CEP104: variants seen among roughly 807,000 people sequenced by gnomAD.
The protein encoded by CEP104 is centrosomal protein 104, also known as centrosomal protein of 104 kDa.
CEP104 carries 84 observed loss-of-function variants against 113.3 expected under a neutral mutation model. That is an observed-to-expected ratio of 0.74 (90% CI 0.62 to 0.89). CEP104 has a LOEUF of 0.89. CEP104 is among the 40% of genes least tolerant of loss of function. The pLI is 0.00. For synonymous variants in CEP104, 378 were observed against 421.7 expected (o/e 0.90, Z 1.27); for missense variants, 1,053 against 1,156.6 (o/e 0.91, Z 1.30).
chr1:3,847,478 A>G lies in CEP104; in HGVS notation c.423T>C (p.Asn141=), dbSNP rs758212436. 1.3e-6 allele frequency: 2 copies of G among 1,598,734 alleles called. No homozygotes were observed. The highest frequency in any genetic ancestry group is 2.7e-5 in the African/African-American group (2 of 74,350). Residue 141 remains asparagine (N), a synonymous_variant, in exon 4 of 22, where the codon AAT becomes AAC. Coordinates refer to ENST00000378230, the MANE Select transcript of CEP104 (RefSeq NM_014704.4). ...QNHVNKYNIY[N]QVALVAINII... Reference sequence around the variant, plus strand: ...GGCGAAGCTGCATGCATCTTACCTGATTATATATGTTGTATTTGTTGACAT... The same window carrying G: ...GGCGAAGCTGCATGCATCTTACCTGGTTATATATGTTGTATTTGTTGACAT...
intron 15 of CEP104, among the ~76,000 whole-genome samples, chr1:3,827,793 C>T (rs1458374873): frequency 1.3e-5 from 2 of 152,254 alleles, no homozygotes; most frequent in African/African-American, 2.4e-5. Context: ...ACCCATGGCC[C>T]CCAGCACCCC....
intron 6 of CEP104, among the ~76,000 whole-genome samples, chr1:3,840,427 G>A (rs4648421): frequency 0.13 from 19,540 of 152,046 alleles, 1,336 homozygotes; most frequent in African/African-American, 0.14. Flanking sequence ...TAGTATAGAC[G>A]GGTTTTCATC....
intron 18 of CEP104, among the ~76,000 whole-genome samples, chr1:3,824,596 A>G (rs1340072515): frequency 6.6e-6 from 1 of 152,220 alleles, no homozygotes; most frequent in Admixed American, 6.5e-5. Context: ...CGACTGACCA[A>G]CCACTCACAT....
intron 6 of CEP104, chr1:3,843,119 A>T: frequency 1.6e-6 from 1 of 629,588 alleles, no homozygotes; most frequent in Non-Finnish European, 2.9e-6. Context: ...TTTTTTTCTC[A>T]CTGCGGCAAC....
rs1433662809 is a variant in CEP104 at position 3,848,642 on chromosome 1, C to T, written c.253G>A (p.Ala85Thr). ...CGAAACCGCTCTGCTTGATAGGGTG[C>T]AAAATATTCAGGCAAGCTTTCACTA... ...YISESLPEYF[A>T]PYQAERFRRL... is the part of the protein sequence containing the mutation. The change falls in exon 3 of 22, where the codon GCA (alanine) becomes ACA (threonine). Residue 85 changes from alanine to threonine, a missense_variant. By Grantham distance (58) the Ala-to-Thr change is moderately conservative (BLOSUM62 0). Coordinates refer to ENST00000378230, the MANE Select transcript of CEP104 (RefSeq NM_014704.4). 1.2e-6 allele frequency: 2 copies of T among 1,613,194 alleles called. No homozygotes were observed. The highest frequency in any genetic ancestry group is 2.2e-5 in the East Asian group (1 of 44,866).
At chr1:3,821,960 G>T (rs750676717) in intron 20 of CEP104, among the ~76,000 whole-genome samples, 2 of 152,224 alleles carry the variant, frequency 1.3e-5, no homozygotes, top group East Asian at 3.8e-4. Flanking sequence ...TGTGACTGAC[G>T]TCTGGAAGGC....
rs201531250 is a variant in CEP104, at chr1:3,848,624, G to A, written c.271C>T (p.Arg91Trp). Reference protein sequence around the residue: ...PEYFAPYQAERFRRLGYVSLC... With the variant: ...PEYFAPYQAEWFRRLGYVSLC... Reference sequence around the variant, plus strand: ...CATTCTTACCCAAGTCTTCGAAACCGCTCTGCTTGATAGGGTGCAAAATAT... The same window carrying A: ...CATTCTTACCCAAGTCTTCGAAACCACTCTGCTTGATAGGGTGCAAAATAT... Residue 91 changes from arginine (R) to tryptophan (W), a missense_variant, in exon 3 of 22, where the codon CGG (arginine) becomes TGG (tryptophan). Coordinates refer to ENST00000378230, the MANE Select transcript of CEP104 (RefSeq NM_014704.4). 309 of 1,610,464 alleles carry A rather than the reference G, an allele frequency of 1.9e-4. No homozygotes were observed. Among genetic ancestry groups the A allele is most frequent in the Middle Eastern group, 3.3e-4 (2 of 6,078 alleles).
In CEP104 at chr1:3,815,241, C is replaced by T. The variant is rs904992516; in HGVS notation, c.*161G>A. The T allele has an allele frequency of 2.9e-5, 18 of 613,304 alleles. No homozygotes were observed. Among genetic ancestry groups the T allele is most frequent in the Non-Finnish European group, 4.4e-5 (15 of 343,094 alleles). 38.0% of individuals were successfully genotyped at this position (613,304 alleles called of 1,614,324 possible). ...GTTAGCTGCATCCATATCGTTTGCACGAGAGCTGACGGCACAGACGCGTAA... is the reference window on the plus strand; with the variant it reads ...GTTAGCTGCATCCATATCGTTTGCATGAGAGCTGACGGCACAGACGCGTAA... On this transcript the variant is annotated 3_prime_UTR_variant, in exon 22 of 22. Transcript: ENST00000378230.
rs901062352 is a variant in CEP104, at chr1:3,813,064, A to T, written c.*2338T>A. 2.0e-5 allele frequency: 3 copies of T among 152,166 alleles called. No homozygotes were observed. Among genetic ancestry groups the T allele is most frequent in the Admixed American group, 2.0e-4 (3 of 15,288 alleles). 9.4% of individuals were successfully genotyped at this position (152,166 alleles called of 1,614,324 possible). A position where few individuals can be genotyped will look rare whatever the true frequency, so the allele number is the denominator to read the frequency against. ...TTCTTAAAAGTGTTGATTGGTGAGA[A>T]AAGAATAATTCCTTGGTTAACTTTT... On this transcript the variant is annotated 3_prime_UTR_variant, in exon 22 of 22. Coordinates refer to ENST00000378230, the MANE Select transcript of CEP104 (RefSeq NM_014704.4).
chr1:3,842,031 T>C (rs1644422191), intron 6 of CEP104, among the ~76,000 whole-genome samples: 1 of 152,202 alleles, frequency 6.6e-6, no homozygotes, highest in African/African-American at 2.4e-5. Context: ...AGTACTGTGA[T>C]TTTTCTATTA....
intron 6 of CEP104, among the ~76,000 whole-genome samples, chr1:3,842,945 G>C (rs573856002): frequency 6.6e-6 from 1 of 152,008 alleles, no homozygotes; most frequent in East Asian, 1.9e-4. Flanking sequence ...GCGCCACCAC[G>C]CCTGGCTAAT....
intron 1 of CEP104, among the ~76,000 whole-genome samples, chr1:3,854,879 T>TC (rs1410558706): frequency 1.4e-5 from 2 of 148,048 alleles, no homozygotes; most frequent in East Asian, 2.0e-4. Flanking sequence ...AATTTTTTTT[T>TC]TTTTTTTTTT....
intron 2 of CEP104, among the ~76,000 whole-genome samples, chr1:3,850,861 C>G (rs1169900700): frequency 6.6e-6 from 1 of 152,240 alleles, no homozygotes; most frequent in African/African-American, 2.4e-5. Flanking sequence ...GAGAACCATA[C>G]TGGTGTGATT....
chr1:3,827,382 G>GT (rs965355819), intron 15 of CEP104, among the ~76,000 whole-genome samples: 8 of 149,748 alleles, frequency 5.3e-5, no homozygotes, highest in Admixed American at 6.7e-5. Flanking sequence ...GTCTGGCTAA[G>GT]TTTTTTTTTT....
chr1:3,838,846 A>G, intron 8 of CEP104, 118 bp downstream of exon 8: 1 of 1,081,866 alleles, frequency 9.2e-7, no homozygotes, highest in East Asian at 2.4e-5. Context: ...CTGTCCCCTG[A>G]GCACTGCAGA....
intron 9 of CEP104, 70 bp downstream of exon 9, chr1:3,837,222 C>A: frequency 7.6e-7 from 1 of 1,311,676 alleles, no homozygotes; most frequent in South Asian, 1.3e-5. Context: ...GGGAACAGCA[C>A]CTGGCACAAC....
At chr1:3,845,167 G>C (rs1644485041) in intron 5 of CEP104, 122 bp downstream of exon 5, 1 of 864,772 alleles carries the variant, frequency 1.2e-6, no homozygotes, top group East Asian at 2.4e-5. Context: ...TCATCTGAAA[G>C]TTATTCACTA....
intron 12 of CEP104, 61 bp downstream of exon 12, chr1:3,833,801 C>CAG: frequency 6.6e-7 from 1 of 1,508,286 alleles, no homozygotes; most frequent in Non-Finnish European, 9.2e-7. Context: ...TTAAGAAAGC[C>CAG]AGAGAGCTAC....
intron 6 of CEP104, among the ~76,000 whole-genome samples, chr1:3,841,882 C>T (rs1166961482): frequency 6.6e-6 from 1 of 152,230 alleles, no homozygotes; most frequent in Non-Finnish European, 1.5e-5. Flanking sequence ...TGTTCCTGCC[C>T]TACTGCACTT....
Sources: allele counts gnomAD v4.1 joint callset (sites outside exome capture counted in the v4.1 genomes callset), GRCh38; gene constraint gnomAD v4.1.1; transcripts MANE v1.5; gene names NCBI Gene and HGNC (gene_info 2026-07-23, HGNC 2026-07-21).